PADI4: variants seen among roughly 807,000 people sequenced by gnomAD.
PADI4 encodes peptidyl arginine deiminase 4.
A neutral mutation model predicts 75.0 loss-of-function variants in PADI4; 62 were observed. The observed-to-expected ratio is 0.83, with a 90% CI of 0.67 to 1.02. The LOEUF (loss-of-function observed/expected upper bound fraction) is 1.02, where lower values mean the gene tolerates loss of function less well. PADI4 is among the 50% of genes least tolerant of loss of function. The pLI is 0.00. For synonymous variants in PADI4, 361 were observed against 348.1 expected (o/e 1.04, Z -0.41); for missense variants, 845 against 850.5 (o/e 0.99, Z 0.08).
At chr1:17,361,313 A>C (rs2074844415) in intron 15 of PADI4, among the ~76,000 whole-genome samples, 1 of 152,270 alleles carries the variant, frequency 6.6e-6, no homozygotes, top group South Asian at 2.1e-4. Context: ...AGTTTGGCCA[A>C]GCCAGGCTTC....
Position 17,346,106 on chromosome 1 carries a change from T to C in PADI4, c.1014T>C (p.Pro338=). The part of the protein sequence containing the change: ...MKAKCKLTIC[P]EEENMDDQWM... Reference sequence around the variant, plus strand: ...CCAAGTGCAAGCTGACCATCTGCCCTGAGGAGGAGAACATGGATGACCAGT... The same window carrying C: ...CCAAGTGCAAGCTGACCATCTGCCCCGAGGAGGAGAACATGGATGACCAGT... Residue 338 remains proline, a synonymous_variant, in exon 9 of 16, where the codon CCT becomes CCC. Transcript: ENST00000375448. The surrounding 1 kb of genome is among the most constrained non-coding windows in gnomAD (Gnocchi z 4.3). 6.2e-7 allele frequency: 1 copy of C among 1,613,548 alleles called. No homozygotes were observed.
At chr1:17,339,655 C>G in intron 5 of PADI4, 33 bp from the exon 6 acceptor site, 1 of 1,612,274 alleles carries the variant, frequency 6.2e-7, no homozygotes, top group African/African-American at 1.3e-5. Context: ...GTCTCAGGGC[C>G]CTGTGACTCA....
At chr1:17,328,498 T>G (rs2074151695) in intron 1 of PADI4, among the ~76,000 whole-genome samples, 1 of 152,024 alleles carries the variant, frequency 6.6e-6, no homozygotes, top group African/African-American at 2.4e-5. Context: ...ATTTTAAAAA[T>G]TAGCTGGGTG....
chr1:17,316,946 G>A (rs1282265542), intron 1 of PADI4, among the ~76,000 whole-genome samples: 4 of 152,066 alleles, frequency 2.6e-5, no homozygotes, highest in African/African-American at 4.8e-5. Flanking sequence ...TCATAGTGCT[G>A]CCGTGAATGT....
chr1:17,310,824 C>T (rs779718746), intron 1 of PADI4, among the ~76,000 whole-genome samples: 21 of 151,976 alleles, frequency 1.4e-4, no homozygotes, highest in Non-Finnish European at 2.6e-4. Context: ...TTAGACGGGG[C>T]GCAATGGCTC....
intron 1 of PADI4, among the ~76,000 whole-genome samples, chr1:17,309,334 AT>A (rs1231779172): frequency 1.3e-5 from 2 of 152,040 alleles, no homozygotes; most frequent in Admixed American, 6.5e-5. Context: ...AGCTGTAAAA[AT>A]TTTTTTCCTT....
intron 15 of PADI4, among the ~76,000 whole-genome samples, chr1:17,361,907 G>A (rs376790150): frequency 6.6e-6 from 1 of 152,206 alleles, no homozygotes; most frequent in Non-Finnish European, 1.5e-5. Context: ...CGTGCAAGGC[G>A]CAGTGCTGGG....
intron 1 of PADI4, among the ~76,000 whole-genome samples, chr1:17,325,209 G>T (rs11203361): frequency 6.6e-6 from 1 of 151,778 alleles, no homozygotes; most frequent in South Asian, 2.1e-4. Context: ...CGGCAACAAG[G>T]CTTCCTAACC....
chr1:17,362,617 T>C (rs2100265664), intron 15 of PADI4, among the ~76,000 whole-genome samples: 1 of 152,210 alleles, frequency 6.6e-6, no homozygotes, highest in South Asian at 2.1e-4. Context: ...ATGGATACAC[T>C]AGAAGCCCAG....
At chr1:17,328,453 C>T (rs1235398085) in intron 1 of PADI4, among the ~76,000 whole-genome samples, 1 of 152,002 alleles carries the variant, frequency 6.6e-6, no homozygotes, top group East Asian at 2.0e-4. Context: ...TGAGACCAGC[C>T]TGGGTAACAT....
chr1:17,342,076 G>C lies in PADI4; in HGVS notation c.786G>C (p.Pro262=). The stretch of plus-strand genomic sequence containing the variant: ...TCGCTTTCCCGGACACCGACTTCCC[G>C]GGGCTCATTACCCTCACCATCTCCC... ...EALAFPDTDF[P]GLITLTISLL... Residue 262 remains proline (P), a synonymous_variant, in exon 7 of 16, where the codon CCG becomes CCC. Coordinates refer to ENST00000375448, the MANE Select transcript of PADI4 (RefSeq NM_012387.3). 4 of 1,614,032 alleles carry C rather than the reference G, an allele frequency of 2.5e-6. No individual in the cohort carries two copies. Among genetic ancestry groups the C allele is most frequent in the Non-Finnish European group, 3.4e-6 (4 of 1,179,980 alleles).
rs2100742562 is a variant in PADI4 at position 17,342,280 on chromosome 1, C to T, written c.832-19C>T. 1 of 1,545,924 alleles carries T rather than the reference C, an allele frequency of 6.5e-7. No homozygotes were observed. The highest frequency in any genetic ancestry group is 2.2e-5 in the East Asian group (1 of 44,516). On this transcript the variant is annotated intron_variant, in intron 7 of 15. Coordinates refer to ENST00000375448, the MANE Select transcript of PADI4 (RefSeq NM_012387.3). ...GCAGCGGTGACAGCCCCTCCTTCCC[C>T]TTACCCCCTCCCCTGCAGGAGCTCC...
rs1334084267 is a variant in PADI4 at position 17,308,324 on chromosome 1, G to A, written c.92+10G>A. On this transcript the variant is annotated intron_variant, in intron 1 of 15. Coordinates refer to ENST00000375448, the MANE Select transcript of PADI4 (RefSeq NM_012387.3). ...AGCTTGACATCTGCAGGTAAGAGGG[G>A]GGCCTTCTGGGGTTTTGGAGGCAGG... 1.9e-6 allele frequency: 3 copies of A among 1,607,826 alleles called. No individual in the cohort carries two copies. The highest frequency in any genetic ancestry group is 1.7e-6 in the Non-Finnish European group (2 of 1,174,650).
At chr1:17,335,985 G>T (rs1407492417) in intron 3 of PADI4, among the ~76,000 whole-genome samples, 174 bp from the exon 4 acceptor site, 1 of 152,234 alleles carries the variant, frequency 6.6e-6, no homozygotes, top group Non-Finnish European at 1.5e-5. Flanking sequence ...GACTTCCTGG[G>T]GGCCGTGGAG....
At chr1:17,316,835 G>T (rs1453076238) in intron 1 of PADI4, among the ~76,000 whole-genome samples, 1 of 152,098 alleles carries the variant, frequency 6.6e-6, no homozygotes, top group African/African-American at 2.4e-5. Flanking sequence ...ATTTCAGCCG[G>T]GCATTCAGTA....
intron 6 of PADI4, among the ~76,000 whole-genome samples, chr1:17,340,078 AC>A (rs2074390892): frequency 6.7e-6 from 1 of 148,836 alleles, no homozygotes; most frequent in Non-Finnish European, 1.5e-5. Context: ...ACACACACAC[AC>A]CTCCTGGTTA....
rs143627319 is a variant in PADI4, at chr1:17,318,232, G to A, written c.92+9918G>A. ...CACCAATGCAGAGAAGGAGGTAGTC[G>A]TGATGTGGCAGGAATGGCACCAGGC... is the stretch of plus-strand genomic sequence containing the variant. On this transcript the variant is annotated intron_variant, in intron 1 of 15. Coordinates refer to ENST00000375448, the MANE Select transcript of PADI4 (RefSeq NM_012387.3). Among the ~76,000 whole-genome samples the A allele has an allele frequency of 1.8e-3, 270 of 152,332 alleles. 1 individual carries two copies. Among genetic ancestry groups the A allele is most frequent in the South Asian group, 0.014 (70 of 4,832 alleles).
intron 1 of PADI4, among the ~76,000 whole-genome samples, chr1:17,328,352 C>T (rs757053917): frequency 3.3e-5 from 5 of 151,376 alleles, no homozygotes; most frequent in Non-Finnish European, 5.9e-5. Context: ...AGGCCAGGCG[C>T]ATAAAAGTTT....
Position 17,363,699 on chromosome 1 carries a change from G to A in PADI4, c.1936G>A (p.Gly646Ser), listed in dbSNP as rs752068794. The A allele has an allele frequency of 9.3e-6, 15 of 1,614,044 alleles. No individual in the cohort carries two copies. The highest frequency in any genetic ancestry group is 2.2e-5 in the East Asian group (1 of 44,884). The change falls in exon 16 of 16, where the codon GGC becomes AGC. Residue 646 changes from glycine to serine, a missense_variant. Physicochemically the swap from Gly to Ser is moderately conservative, Grantham distance 56. Transcript: ENST00000375448. ...CATCAGGCATGGGGAGGTGCACTGC[G>A]GCACCAACGTGCGCAGAAAGCCCTT... ...YHIRHGEVHC[G>S]TNVRRKPFSF...
Sources: gnomAD v4.1 joint callset for allele counts (sites outside exome capture counted in the v4.1 genomes callset) on GRCh38, gnomAD v4.1.1 for gene constraint, Gnocchi (gnomAD v3.1) non-coding constraint, MANE v1.5 for transcripts, NCBI Gene and HGNC (gene_info 2026-07-23, HGNC 2026-07-21) for gene names.